The following HORMAD2 variants were observed in gnomAD, a reference collection of about 807,000 sequenced individuals.
HORMAD2 encodes the protein HORMA domain containing 2.
Under a neutral mutation model 38.8 loss-of-function variants are expected in HORMAD2, and 45 were observed. That is an observed-to-expected ratio of 1.16 (90% CI 0.91 to 1.49). HORMAD2 has a LOEUF of 1.49. Ranked by LOEUF, HORMAD2 falls within the 40% of genes most tolerant of loss-of-function variation. HORMAD2 has a pLI of 0.00. For missense variants in HORMAD2, 338 were observed against 367.0 expected (o/e 0.92, Z 0.65); for synonymous variants, 126 against 122.8 (o/e 1.03, Z -0.17).
intron 10 of HORMAD2, among the ~76,000 whole-genome samples, chr22:30,172,700 C>T (rs1043777083): frequency 5.9e-5 from 9 of 152,174 alleles, no homozygotes; most frequent in Admixed American, 3.9e-4. Context: ...CTAGCCTGGC[C>T]AATATGGTAA....
downstream of HORMAD2, among the ~76,000 whole-genome samples, chr22:30,181,203 G>A (rs908918511): frequency 8.6e-5 from 13 of 151,690 alleles, no homozygotes; most frequent in Admixed American, 2.0e-4. Flanking sequence ...TTGTAGAGAC[G>A]GGGTTTTGCC....
upstream of HORMAD2, chr22:30,080,182 G>A (rs987173082): frequency 6.6e-6 from 1 of 152,388 alleles, no homozygotes; most frequent in African/African-American, 2.4e-5. Context: ...TCGTTGTATA[G>A]GTGGCCCAGG....
intron 7 of HORMAD2, among the ~76,000 whole-genome samples, chr22:30,118,636 G>C (rs1922219471): frequency 6.6e-6 from 1 of 152,206 alleles, no homozygotes; most frequent in South Asian, 2.1e-4. Flanking sequence ...GCACAAAGTA[G>C]ACATTCAATA....
At chr22:30,083,578 G>C (rs1423014350) in intron 1 of HORMAD2, among the ~76,000 whole-genome samples, 1 of 152,008 alleles carries the variant, frequency 6.6e-6, no homozygotes, top group Non-Finnish European at 1.5e-5. Flanking sequence ...CTGCTCAAAG[G>C]GAAAACAGTA....
At chr22:30,170,210 C>T (rs927546820) in intron 10 of HORMAD2, among the ~76,000 whole-genome samples, 2 of 152,080 alleles carry the variant, frequency 1.3e-5, no homozygotes, top group African/African-American at 4.8e-5. Flanking sequence ...CAAGAGAAAA[C>T]ATTTTGCCAG....
the HORMAD2 span, among the ~76,000 whole-genome samples, chr22:30,187,226 C>A: frequency 1.3e-5 from 2 of 152,310 alleles, no homozygotes; most frequent in South Asian, 4.1e-4. Context: ...CATATTAACT[C>A]TTTAATTCCC....
chr22:30,121,887 G>A, intron 9 of HORMAD2, 77 bp from the exon 10 acceptor site: 2 of 1,548,738 alleles, frequency 1.3e-6, no homozygotes. Flanking sequence ...GAAGTCTGTT[G>A]CTACACATGA....
intron 10 of HORMAD2, among the ~76,000 whole-genome samples, chr22:30,167,920 T>A (rs1198589558): frequency 6.6e-6 from 1 of 152,202 alleles, no homozygotes; most frequent in East Asian, 1.9e-4. Flanking sequence ...ATTTCACTTC[T>A]CTGAGCTTCA....
At chr22:30,092,295 A>G (rs939096967) in intron 1 of HORMAD2, among the ~76,000 whole-genome samples, 1 of 140,142 alleles carries the variant, frequency 7.1e-6, no homozygotes, top group African/African-American at 2.7e-5. Flanking sequence ...TCATATACTT[A>G]TTAGCCATTT....
chr22:30,202,497 C>CA, the HORMAD2 span, among the ~76,000 whole-genome samples: 3 of 151,272 alleles, frequency 2.0e-5, no homozygotes, highest in South Asian at 2.1e-4. Context: ...AGGCCACATG[C>CA]AAAAAAAGTC....
At chr22:30,132,632 G>A (rs1343902609) in intron 10 of HORMAD2, among the ~76,000 whole-genome samples, 1 of 150,640 alleles carries the variant, frequency 6.6e-6, no homozygotes, top group Non-Finnish European at 1.5e-5. Flanking sequence ...GTTTCCTTTT[G>A]TCAAACAGAA....
chr22:30,088,183 A>C (rs1422969947), intron 1 of HORMAD2, among the ~76,000 whole-genome samples: 1 of 150,562 alleles, frequency 6.6e-6, no homozygotes, highest in African/African-American at 2.4e-5. Context: ...ACATATATAC[A>C]TATATACCTA....
intron 10 of HORMAD2, among the ~76,000 whole-genome samples, chr22:30,141,180 T>G (rs932546783): frequency 1.3e-5 from 2 of 152,030 alleles, no homozygotes; most frequent in Admixed American, 1.3e-4. Context: ...GTATTTTTAG[T>G]AAAGACGGGG....
At chr22:30,150,287 C>A (rs1008525551) in intron 10 of HORMAD2, among the ~76,000 whole-genome samples, 1 of 152,120 alleles carries the variant, frequency 6.6e-6, no homozygotes, top group East Asian at 1.9e-4. Flanking sequence ...TAGTCCTACT[C>A]TTCTATTGGT....
chr22:30,082,126 A>G lies in HORMAD2; in HGVS notation c.-38+1635A>G, dbSNP rs184167126. On this transcript the variant is annotated intron_variant, in intron 1 of 10. Transcript: ENST00000336726. ...TGCTCCCTTCCAGCTTTAGGAATCT[A>G]TTGAACCCATTTATGTTAACGTACA... 1.3e-3 allele frequency among the ~76,000 whole-genome samples: 195 copies of G among 152,316 alleles called. 1 individual carries two copies. The highest frequency in any genetic ancestry group is 4.6e-3 in the African/African-American group (191 of 41,570).
At chr22:30,165,045 T>A (rs1925694305) in intron 10 of HORMAD2, among the ~76,000 whole-genome samples, 1 of 152,218 alleles carries the variant, frequency 6.6e-6, no homozygotes, top group South Asian at 2.1e-4. Context: ...ATTTTCCCTA[T>A]GTTTTCTTGT....
chr22:30,125,607 T>G (rs1922809794), intron 10 of HORMAD2, among the ~76,000 whole-genome samples: 1 of 152,192 alleles, frequency 6.6e-6, no homozygotes, highest in Non-Finnish European at 1.5e-5. Flanking sequence ...TCCTTTAATA[T>G]GTGCTTTTGG....
At chr22:30,129,424 C>G (rs1923127180) in intron 10 of HORMAD2, among the ~76,000 whole-genome samples, 1 of 151,758 alleles carries the variant, frequency 6.6e-6, no homozygotes, top group South Asian at 2.1e-4. Context: ...TATTAACTAA[C>G]AATTTCGAGC....
chr22:30,092,345 CTTTT>C (rs34673975), intron 1 of HORMAD2, among the ~76,000 whole-genome samples: 3 of 107,964 alleles, frequency 2.8e-5, no homozygotes, highest in Non-Finnish European at 3.7e-5. Flanking sequence ...AGATCCTTTG[CTTTT>C]TTTTTTTTTT....
Sources: allele counts gnomAD v4.1 joint callset (sites outside exome capture counted in the v4.1 genomes callset), GRCh38; gene constraint gnomAD v4.1.1; transcripts MANE v1.5; gene names NCBI Gene and HGNC (gene_info 2026-07-23, HGNC 2026-07-21).